Variants in CEP63 observed in about 807,000 individuals in gnomAD.
The protein encoded by CEP63 is centrosomal protein 63, also known as centrosomal protein of 63 kDa.
CEP63 carries 84 observed loss-of-function variants against 89.1 expected under a neutral mutation model. The observed-to-expected ratio is 0.94, with a 90% CI of 0.79 to 1.13. CEP63 has a LOEUF of 1.13. CEP63 is among the 50% of genes most tolerant of loss of function. CEP63 has a pLI of 0.00. For synonymous variants in CEP63, 267 were observed against 272.5 expected (o/e 0.98, Z 0.20); for missense variants, 838 against 813.3 (o/e 1.03, Z -0.37).
chr3:134,698,185 A>G, the CEP63 span, among the ~76,000 whole-genome samples: 1 of 152,216 alleles, frequency 6.6e-6, no homozygotes, highest in African/African-American at 2.4e-5. Flanking sequence ...TTTTCAAACC[A>G]GCAAGTTGTG....
the CEP63 span, among the ~76,000 whole-genome samples, chr3:134,694,448 G>A: frequency 6.6e-5 from 10 of 152,166 alleles, no homozygotes; most frequent in African/African-American, 1.7e-4. Flanking sequence ...GTCCCTGAGC[G>A]GAGCTGATCT....
chr3:134,668,963 T>C, the CEP63 span, among the ~76,000 whole-genome samples: 1 of 152,164 alleles, frequency 6.6e-6, no homozygotes, highest in Non-Finnish European at 1.5e-5. Context: ...AAAGGGAAGC[T>C]GACTGGTGCG....
the CEP63 span, among the ~76,000 whole-genome samples, chr3:134,674,454 A>G: frequency 6.6e-6 from 1 of 152,250 alleles, no homozygotes; most frequent in Non-Finnish European, 1.5e-5. Flanking sequence ...TTGATGAAAA[A>G]AATCCATGAA....
chr3:134,754,372 G>T, the CEP63 span, among the ~76,000 whole-genome samples: 98 of 152,348 alleles, frequency 6.4e-4, no homozygotes, highest in Non-Finnish European at 1.2e-3. Flanking sequence ...TTTTCTTCTG[G>T]GGTTTTGGTA....
the CEP63 span, among the ~76,000 whole-genome samples, chr3:134,750,382 G>C: frequency 6.6e-6 from 1 of 152,182 alleles, no homozygotes; most frequent in Non-Finnish European, 1.5e-5. Context: ...TAAGCCTAGG[G>C]CTGCTTCTGG....
the CEP63 span, chr3:134,651,299 T>C: frequency 7.9e-3 from 9,300 of 1,183,580 alleles, 361 homozygotes; most frequent in East Asian, 0.094. Context: ...CCCGGTGCAC[T>C]TGAAGCGCTG....
chr3:134,550,112 A>G lies in CEP63; in HGVS notation c.1232A>G (p.Glu411Gly). ...GAACAAAGTTACAGTTCTGCACTAG[A>G]AGGAATGAAGATGGAAATCTCCCAT... ...QGEQSYSSAL[E>G]GMKMEISHLT... is the part of the protein sequence containing the mutation. Residue 411 changes from glutamate (E) to glycine (G), a missense_variant, in exon 11 of 15, where the codon GAA becomes GGA. By Grantham distance (98) the Glu-to-Gly change is moderately conservative (BLOSUM62 -2). Transcript: ENST00000675561. 6.2e-7 allele frequency: 1 copy of G among 1,614,032 alleles called. No homozygotes were observed. Among genetic ancestry groups the G allele is most frequent in the Admixed American group, 1.7e-5 (1 of 60,022 alleles).
At chr3:134,496,923 TC>T (rs201272081) in intron 2 of CEP63, among the ~76,000 whole-genome samples, 3 of 150,932 alleles carry the variant, frequency 2.0e-5, no homozygotes, top group Non-Finnish European at 4.4e-5. Flanking sequence ...TTTGTCCACA[TC>T]CCCCCCAGCA....
chr3:134,608,198 C>T, the CEP63 span: 1 of 1,181,982 alleles, frequency 8.5e-7, no homozygotes, highest in Non-Finnish European at 1.1e-6. Flanking sequence ...GAAGAGAACA[C>T]AGCAGGCCAG....
chr3:134,761,762 G>A, the CEP63 span, among the ~76,000 whole-genome samples: 1 of 152,042 alleles, frequency 6.6e-6, no homozygotes, highest in African/African-American at 2.4e-5. Context: ...CCCCCTGAAT[G>A]TCAATCTCAA....
rs757441804 is a variant in CEP63, at chr3:134,537,136, A to G, written c.442-19A>G. ...GAGGAGAAGCACTCAGAAATTAAGT[A>G]CTCTAATTGCCTCCTCAGGAATTCC... On this transcript the variant is annotated intron_variant, in intron 5 of 14. Transcript: ENST00000675561. The G allele has an allele frequency of 4.7e-6, 7 of 1,479,872 alleles. No individual in the cohort carries two copies. In the Admixed American group the frequency reaches 1.2e-4, roughly 25 times the overall value. 91.7% of individuals were successfully genotyped at this position (1,479,872 alleles called of 1,614,324 possible).
the CEP63 span, among the ~76,000 whole-genome samples, chr3:134,645,832 C>T: frequency 6.6e-6 from 1 of 152,294 alleles, no homozygotes; most frequent in Middle Eastern, 3.4e-3. Context: ...TTATAATGGT[C>T]TTGTAATAGT....
At chr3:134,658,188 G>T in the CEP63 span, among the ~76,000 whole-genome samples, 37 of 152,246 alleles carry the variant, frequency 2.4e-4, no homozygotes, top group African/African-American at 8.9e-4. Flanking sequence ...GAGCCACTGC[G>T]CCCGGCTGAT....
the CEP63 span, among the ~76,000 whole-genome samples, chr3:134,701,625 G>A: frequency 1.3e-5 from 2 of 151,832 alleles, no homozygotes; most frequent in Admixed American, 6.6e-5. Context: ...GTATCATACT[G>A]AATGGGCAAA....
At chr3:134,740,566 G>C in the CEP63 span, among the ~76,000 whole-genome samples, 2 of 152,082 alleles carry the variant, frequency 1.3e-5, no homozygotes, top group African/African-American at 2.4e-5. Context: ...CAAAGTGCTG[G>C]GATTACAGGC....
intron 1 of CEP63, among the ~76,000 whole-genome samples, chr3:134,490,806 C>T (rs1326458282): frequency 6.6e-6 from 1 of 152,056 alleles, no homozygotes; most frequent in Non-Finnish European, 1.5e-5. Context: ...GACAAACATA[C>T]CTTTCTTTCT....
At chr3:134,597,298 G>C in the CEP63 span, among the ~76,000 whole-genome samples, 1 of 152,106 alleles carries the variant, frequency 6.6e-6, no homozygotes. Context: ...CTTGAAAGTG[G>C]GCCCTTGGAG....
At chr3:134,607,365 C>T in the CEP63 span, 150 of 985,414 alleles carry the variant, frequency 1.5e-4, 2 homozygotes, top group East Asian at 2.3e-4. Context: ...CTGTGCTCCC[C>T]GCTGCCCCAT....
the CEP63 span, among the ~76,000 whole-genome samples, chr3:134,598,863 C>T: frequency 2.6e-5 from 4 of 152,216 alleles, no homozygotes; most frequent in South Asian, 2.1e-4. Context: ...AGGACATCCC[C>T]GTTAACTTTC....
Sources: allele counts gnomAD v4.1 joint callset (sites outside exome capture counted in the v4.1 genomes callset), GRCh38; gene constraint gnomAD v4.1.1; transcripts MANE v1.5; gene names NCBI Gene and HGNC (gene_info 2026-07-23, HGNC 2026-07-21).